The following PPM1L variants were observed in gnomAD, a reference collection of about 807,000 sequenced individuals.
PPM1L encodes the protein protein phosphatase, Mg2+/Mn2+ dependent 1L.
PPM1L carries 13 observed loss-of-function variants against 31.4 expected under a neutral mutation model. That is an observed-to-expected ratio of 0.41 (90% CI 0.27 to 0.66). The LOEUF (loss-of-function observed/expected upper bound fraction) is 0.66. Among genes scored for constraint, PPM1L ranks in the 30% least tolerant of loss-of-function variants. PPM1L has a pLI of 0.29. For synonymous variants in PPM1L, 184 were observed against 175.4 expected (o/e 1.05, Z -0.39); for missense variants, 326 against 453.7 (o/e 0.72, Z 2.56).
intron 2 of PPM1L, among the ~76,000 whole-genome samples, chr3:161,011,467 T>C (rs1158989516): frequency 6.6e-6 from 1 of 152,178 alleles, no homozygotes; most frequent in Non-Finnish European, 1.5e-5. Flanking sequence ...TCCAGCTTTG[T>C]TCTTTTGGCT....
chr3:161,075,655 C>T lies in PPM1L; in HGVS notation c.*6498C>T, dbSNP rs1576631123. On this transcript the variant is annotated 3_prime_UTR_variant, in exon 4 of 4. Coordinates refer to ENST00000498165, the MANE Select transcript of PPM1L (RefSeq NM_139245.4). Reference sequence around the variant, plus strand: ...AAAGGAAAGCATTTTTAAGAAAATACAGAAGCCCAAATCAAGGGAGAGTAA... The same window carrying T: ...AAAGGAAAGCATTTTTAAGAAAATATAGAAGCCCAAATCAAGGGAGAGTAA... 1 of 152,106 alleles carries T rather than the reference C, an allele frequency of 6.6e-6. No individual in the cohort carries two copies. The highest frequency in any genetic ancestry group is 1.5e-5 in the Non-Finnish European group (1 of 68,004). 9.4% of individuals were successfully genotyped at this position (152,106 alleles called of 1,614,324 possible). A position where few individuals can be genotyped will look rare whatever the true frequency, so the allele number is the denominator to read the frequency against.
intron 2 of PPM1L, among the ~76,000 whole-genome samples, chr3:160,987,820 T>A (rs573552621): frequency 6.6e-6 from 1 of 152,354 alleles, no homozygotes; most frequent in South Asian, 2.1e-4. Context: ...AACGATATGC[T>A]CTGTGTTTTA....
At chr3:160,922,478 G>A (rs141564686) in intron 1 of PPM1L, among the ~76,000 whole-genome samples, 125 of 152,182 alleles carry the variant, frequency 8.2e-4, no homozygotes, top group African/African-American at 2.9e-3. Context: ...AAGTCCTCCC[G>A]ATTACTCATA....
In PPM1L at chr3:161,069,949, T is replaced by A. The variant is rs1396230904; in HGVS notation, c.*792T>A. The stretch of plus-strand genomic sequence containing the variant: ...TTAAATTCACCAACAGATACCCTGA[T>A]TTTTCATCTTACGTGACCAAGAAAC... On this transcript the variant is annotated 3_prime_UTR_variant, in exon 4 of 4. Coordinates refer to ENST00000498165, the MANE Select transcript of PPM1L (RefSeq NM_139245.4). The A allele has an allele frequency of 6.6e-6, 1 of 152,214 alleles. No individual in the cohort carries two copies. The highest frequency in any genetic ancestry group is 1.5e-5 in the Non-Finnish European group (1 of 68,038). 9.4% of individuals were successfully genotyped at this position (152,214 alleles called of 1,614,324 possible).
At chr3:160,996,429 G>A (rs536642275) in intron 2 of PPM1L, among the ~76,000 whole-genome samples, 2 of 152,040 alleles carry the variant, frequency 1.3e-5, no homozygotes, top group East Asian at 1.9e-4. Flanking sequence ...AAAAATTGTG[G>A]TATATATATC....
At chr3:161,024,698 CA>C (rs35498356) in intron 2 of PPM1L, among the ~76,000 whole-genome samples, 77,770 of 133,044 alleles carry the variant, frequency 0.58, 22,667 homozygotes, top group East Asian at 0.93. Flanking sequence ...AACTCCATCT[CA>C]AAAAAAAAAA....
At chr3:161,013,331 G>A (rs560268115) in intron 2 of PPM1L, among the ~76,000 whole-genome samples, 2 of 152,312 alleles carry the variant, frequency 1.3e-5, no homozygotes, top group East Asian at 1.9e-4. Context: ...TAGTTGAATG[G>A]TTTTGAGTGA....
At chr3:160,757,369 A>AG (rs1437947636) in intron 1 of PPM1L, among the ~76,000 whole-genome samples, 1 of 152,262 alleles carries the variant, frequency 6.6e-6, no homozygotes, top group Non-Finnish European at 1.5e-5. Flanking sequence ...GCCTTTGCAG[A>AG]GGTGGCTATG....
chr3:160,899,016 C>T (rs1312867592), intron 1 of PPM1L, among the ~76,000 whole-genome samples: 2 of 152,140 alleles, frequency 1.3e-5, no homozygotes, highest in Non-Finnish European at 2.9e-5. Context: ...ACTCATCTAA[C>T]GTTCCAGTGT....
chr3:161,014,537 C>T (rs536389813), intron 2 of PPM1L, among the ~76,000 whole-genome samples: 28 of 148,304 alleles, frequency 1.9e-4, no homozygotes, highest in Admixed American at 5.4e-4. Flanking sequence ...TGCAGTGGCA[C>T]GATCTCAGCT....
At chr3:160,860,260 GTTC>G (rs1194255077) in intron 1 of PPM1L, among the ~76,000 whole-genome samples, 1 of 152,080 alleles carries the variant, frequency 6.6e-6, no homozygotes, top group African/African-American at 2.4e-5. Context: ...TTAAAACTTT[GTTC>G]TTTTCTTTTC....
intron 3 of PPM1L, among the ~76,000 whole-genome samples, chr3:161,065,902 T>C (rs761133121): frequency 3.3e-5 from 5 of 152,208 alleles, no homozygotes; most frequent in Admixed American, 6.5e-5. Context: ...AAAAAGACCT[T>C]GTTTCTGATA....
chr3:160,917,770 CA>C (rs1714240795), intron 1 of PPM1L, among the ~76,000 whole-genome samples: 1 of 152,110 alleles, frequency 6.6e-6, no homozygotes, highest in Non-Finnish European at 1.5e-5. Flanking sequence ...CCGTTTAGTA[CA>C]TGTATGGCAA....
chr3:160,989,372 G>A (rs1045426784), intron 2 of PPM1L, among the ~76,000 whole-genome samples: 5 of 151,416 alleles, frequency 3.3e-5, no homozygotes, highest in Non-Finnish European at 5.9e-5. Flanking sequence ...AAAAAATAAC[G>A]ATTATTTTAT....
chr3:160,926,809 G>T (rs990293858), intron 1 of PPM1L, among the ~76,000 whole-genome samples: 1 of 152,192 alleles, frequency 6.6e-6, no homozygotes, highest in Non-Finnish European at 1.5e-5. Flanking sequence ...TGGTCATTAT[G>T]ATAGCATTCA....
intron 1 of PPM1L, among the ~76,000 whole-genome samples, chr3:160,781,010 T>C (rs1711732887): frequency 6.6e-6 from 1 of 152,192 alleles, no homozygotes; most frequent in Non-Finnish European, 1.5e-5. Flanking sequence ...ATGAAGTCTT[T>C]ACTCTTCATT....
At chr3:160,962,595 CA>C (rs1418786277) in intron 2 of PPM1L, among the ~76,000 whole-genome samples, 1 of 151,120 alleles carries the variant, frequency 6.6e-6, no homozygotes, top group Non-Finnish European at 1.5e-5. Flanking sequence ...CTCCCCCTCT[CA>C]AAAAAATTGG....
chr3:161,027,034 G>A (rs558031819), intron 2 of PPM1L, among the ~76,000 whole-genome samples: 1 of 152,228 alleles, frequency 6.6e-6, no homozygotes, highest in East Asian at 1.9e-4. Flanking sequence ...TCTATGCATT[G>A]GTTTTCTCAT....
At chr3:160,878,095 A>T (rs1375251189) in intron 1 of PPM1L, among the ~76,000 whole-genome samples, 1 of 152,174 alleles carries the variant, frequency 6.6e-6, no homozygotes, top group Non-Finnish European at 1.5e-5. Flanking sequence ...CTGCCTAAAT[A>T]ATTTCTTTTT....
Sources: gnomAD v4.1 joint callset for allele counts (sites outside exome capture counted in the v4.1 genomes callset) on GRCh38, gnomAD v4.1.1 for gene constraint, MANE v1.5 for transcripts, NCBI Gene and HGNC (gene_info 2026-07-23, HGNC 2026-07-21) for gene names.